WDFY2: variants seen among roughly 807,000 people sequenced by gnomAD.
The protein encoded by WDFY2 is WD repeat and FYVE domain-containing protein 2.
A neutral mutation model predicts 56.4 loss-of-function variants in WDFY2; 36 were observed. The ratio of observed to expected loss-of-function variants is 0.64; its 90% CI spans 0.49 to 0.84. WDFY2 has a LOEUF of 0.84. Among genes scored for constraint, WDFY2 ranks in the 40% least tolerant of loss-of-function variants. WDFY2 has a pLI of 0.00. For missense variants in WDFY2, 444 were observed against 512.2 expected, an observed-to-expected ratio of 0.87 and a Z score of 1.29; for synonymous variants, 176 against 183.7, an observed-to-expected ratio of 0.96 and a Z score of 0.34.
At chr13:51,732,836 C>T (rs565770427) in intron 6 of WDFY2, among the ~76,000 whole-genome samples, 1 of 152,312 alleles carries the variant, frequency 6.6e-6, no homozygotes, top group East Asian at 1.9e-4. Context: ...GTGAATAAAA[C>T]AAGCATAATC....
intron 1 of WDFY2, among the ~76,000 whole-genome samples, chr13:51,655,496 T>C (rs1955493533): frequency 6.6e-6 from 1 of 152,114 alleles, no homozygotes; most frequent in Admixed American, 6.5e-5. Flanking sequence ...CATTGATTGA[T>C]TTCTCTTATA....
At chr13:51,631,141 C>T (rs1197133183) in intron 1 of WDFY2, among the ~76,000 whole-genome samples, 3 of 150,286 alleles carry the variant, frequency 2.0e-5, no homozygotes, top group Admixed American at 2.0e-4. Flanking sequence ...CCTGTAATCC[C>T]AGCACTTTGG....
intron 1 of WDFY2, among the ~76,000 whole-genome samples, chr13:51,606,639 A>G (rs1954389591): frequency 6.6e-6 from 1 of 152,200 alleles, no homozygotes; most frequent in Non-Finnish European, 1.5e-5. Context: ...TATACATGCA[A>G]TATTGTAATA....
At chr13:51,605,203 GTTGATCATTGTCCACAT>G (rs1954362447) in intron 1 of WDFY2, among the ~76,000 whole-genome samples, 1 of 152,186 alleles carries the variant, frequency 6.6e-6, no homozygotes, top group Admixed American at 6.5e-5. Flanking sequence ...GGATCTCTAA[GTTGATCATTGTCCACAT>G]ATGGACAGCA....
chr13:51,646,172 A>G (rs1172431605), intron 1 of WDFY2, among the ~76,000 whole-genome samples: 2 of 152,220 alleles, frequency 1.3e-5, no homozygotes, highest in Admixed American at 1.3e-4. Context: ...CAAACAAACA[A>G]GAACAAGCGT....
chr13:51,620,701 C>G (rs980994042), intron 1 of WDFY2, among the ~76,000 whole-genome samples: 1 of 151,768 alleles, frequency 6.6e-6, no homozygotes, highest in Non-Finnish European at 1.5e-5. Flanking sequence ...TCTGACTTTG[C>G]TGTAGCACTG....
chr13:51,756,699 T>C, intron 10 of WDFY2: 2 of 955,654 alleles, frequency 2.1e-6, no homozygotes, highest in Non-Finnish European at 2.5e-6. Flanking sequence ...AATTTCTAGG[T>C]TATGTGCCTT....
rs540271065 is a variant in WDFY2 at position 51,703,658 on chromosome 13, G to A, written c.334+8G>A. ...CTGTGAAAAACTATCAAGGTAGGGAGTGAGAGGAGTACCTTCATTACCCAG... is the reference window on the plus strand; with the variant it reads ...CTGTGAAAAACTATCAAGGTAGGGAATGAGAGGAGTACCTTCATTACCCAG... On this transcript the variant is annotated splice_region_variant and intron_variant, in intron 4 of 11. Transcript: ENST00000298125. The A allele has an allele frequency of 2.5e-6, 4 of 1,606,526 alleles. No homozygotes were observed. In the Admixed American group the frequency reaches 6.8e-5, roughly 27 times the overall value.
At chr13:51,673,946 AG>A (rs1204383487) in intron 2 of WDFY2, among the ~76,000 whole-genome samples, 1 of 152,176 alleles carries the variant, frequency 6.6e-6, no homozygotes, top group African/African-American at 2.4e-5. Context: ...GCAGTTTAGA[AG>A]GTCTTTTTGT....
intron 8 of WDFY2, among the ~76,000 whole-genome samples, chr13:51,753,654 C>T (rs1033738168): frequency 5.9e-5 from 9 of 152,112 alleles, no homozygotes; most frequent in African/African-American, 2.2e-4. Flanking sequence ...TATTTTTTCC[C>T]CTTTATTGGT....
chr13:51,699,617 C>A (rs1951942822), intron 3 of WDFY2, among the ~76,000 whole-genome samples: 1 of 152,096 alleles, frequency 6.6e-6, no homozygotes, highest in Admixed American at 6.5e-5. Flanking sequence ...TGAACATAAA[C>A]CACAATGAGA....
intron 2 of WDFY2, among the ~76,000 whole-genome samples, chr13:51,671,167 T>C (rs978213143): frequency 6.6e-6 from 1 of 152,104 alleles, no homozygotes; most frequent in Non-Finnish European, 1.5e-5. Flanking sequence ...GTTGTGCTGC[T>C]ATAAACATGC....
Position 51,760,863 on chromosome 13 carries a change from G to T in WDFY2, c.*1094G>T, listed in dbSNP as rs952816122. ...GGAGCCCAGGCAGTAACACTTGCTTGCCCACTGCTCACGTCTGATGGGTGC... is the reference window on the plus strand; with the variant it reads ...GGAGCCCAGGCAGTAACACTTGCTTTCCCACTGCTCACGTCTGATGGGTGC... On this transcript the variant is annotated 3_prime_UTR_variant, in exon 12 of 12. Transcript: ENST00000298125. 1 of 152,314 alleles carries T rather than the reference G, an allele frequency of 6.6e-6. No homozygotes were observed. The highest frequency in any genetic ancestry group is 1.5e-5 in the Non-Finnish European group (1 of 68,080). 9.4% of individuals were successfully genotyped at this position (152,314 alleles called of 1,614,324 possible). A position where few individuals can be genotyped will look rare whatever the true frequency, so the allele number is the denominator to read the frequency against.
At chr13:51,727,285 T>G (rs1042421184) in intron 5 of WDFY2, among the ~76,000 whole-genome samples, 4 of 152,222 alleles carry the variant, frequency 2.6e-5, no homozygotes, top group African/African-American at 9.6e-5. Flanking sequence ...TAAAGAAACT[T>G]TATAACATTT....
intron 6 of WDFY2, among the ~76,000 whole-genome samples, chr13:51,735,301 C>T (rs1288592369): frequency 6.6e-6 from 1 of 152,234 alleles, no homozygotes; most frequent in Non-Finnish European, 1.5e-5. Context: ...ATACCAGTCA[C>T]TGTGTGCTGT....
chr13:51,668,969 A>G (rs546332503), intron 2 of WDFY2, among the ~76,000 whole-genome samples: 1 of 152,334 alleles, frequency 6.6e-6, no homozygotes, highest in South Asian at 2.1e-4. Flanking sequence ...TTTCCTCCCA[A>G]ATCGAAATAT....
intron 3 of WDFY2, among the ~76,000 whole-genome samples, chr13:51,696,524 G>T (rs768442562): frequency 3.9e-5 from 6 of 152,158 alleles, no homozygotes; most frequent in Non-Finnish European, 8.8e-5. Context: ...CCCCCAAACA[G>T]ACTCAGTTCA....
intron 1 of WDFY2, among the ~76,000 whole-genome samples, chr13:51,608,978 G>A (rs1363562347): frequency 6.6e-6 from 1 of 152,060 alleles, no homozygotes; most frequent in Non-Finnish European, 1.5e-5. Context: ...GTCATCTACA[G>A]ATGTAATTGC....
At chr13:51,755,729 G>A (rs1953360081) in intron 9 of WDFY2, among the ~76,000 whole-genome samples, 1 of 152,180 alleles carries the variant, frequency 6.6e-6, no homozygotes, top group South Asian at 2.1e-4. Context: ...TACAATTAGA[G>A]GTGTCATGCT....
Sources: allele counts gnomAD v4.1 joint callset (sites outside exome capture counted in the v4.1 genomes callset), GRCh38; gene constraint gnomAD v4.1.1; transcripts MANE v1.5; gene names NCBI Gene and HGNC (gene_info 2026-07-23, HGNC 2026-07-21).